The following G6PC2 variants were observed in gnomAD, a reference collection of about 807,000 sequenced individuals.
The protein encoded by G6PC2 is glucose-6-phosphatase 2.
G6PC2 carries 41 observed loss-of-function variants against 35.4 expected under a neutral mutation model. That is an observed-to-expected ratio of 1.16 (90% CI 0.90 to 1.50). The LOEUF (loss-of-function observed/expected upper bound fraction) is 1.50, where lower values mean the gene tolerates loss of function less well. Among genes scored for constraint, G6PC2 ranks in the 40% most tolerant of loss-of-function variants. The pLI, the probability that G6PC2 is intolerant of heterozygous loss-of-function variation, is 0.00. For missense variants in G6PC2, 441 were observed against 426.5 expected (o/e 1.03, Z -0.30); for synonymous variants, 165 against 153.2 (o/e 1.08, Z -0.57).
intron 2 of G6PC2, among the ~76,000 whole-genome samples, chr2:168,903,735 A>T (rs1690650757): frequency 6.6e-6 from 1 of 152,236 alleles, no homozygotes; most frequent in South Asian, 2.1e-4. Context: ...GTCTTTGTTT[A>T]ACAAATAAGA....
chr2:168,901,521 G>A lies in G6PC2; in HGVS notation c.190G>A (p.Gly64Arg), dbSNP rs762205787. 5.6e-5 allele frequency: 87 copies of A among 1,557,564 alleles called. No homozygotes were observed. In the East Asian group the frequency reaches 1.9e-3, roughly 34 times the overall value. ...CAAGATGATATGGGTAGCAGTCATT[G>A]GGGATTGGTTAAATCTTATATTTAA... ...GTKMIWVAVI[G>R]DWLNLIFKWI... Residue 64 changes from glycine to arginine, a missense_variant, in exon 1 of 5, where the codon GGG becomes AGG. Gly to Arg is a moderately radical substitution (Grantham distance 125). Transcript: ENST00000375363.
intron 3 of G6PC2, 133 bp from the exon 4 acceptor site, chr2:168,906,531 A>G: frequency 1.5e-6 from 1 of 685,846 alleles, no homozygotes. Context: ...TTTGAAAAAA[A>G]AGATTCTAGA....
In G6PC2 at chr2:168,907,835, C is replaced by CA; in HGVS notation, c.825dup (p.Glu276ArgfsTer12). Reference sequence around the variant, plus strand: ...TTTGGCTTGGGCTTTGCAATCAACTCAGAGATGTTCCTCCTGAGCTGCCGA... The same window carrying CA: ...TTTGGCTTGGGCTTTGCAATCAACTCAAGAGATGTTCCTCCTGAGCTGCCGA... On this transcript the variant is annotated frameshift_variant, in exon 5 of 5. Coordinates refer to ENST00000375363, the MANE Select transcript of G6PC2 (RefSeq NM_021176.3). LOFTEE classifies it high-confidence loss of function. 1 of 1,614,126 alleles carries CA rather than the reference C, an allele frequency of 6.2e-7. No individual in the cohort carries two copies. The highest frequency in any genetic ancestry group is 8.5e-7 in the Non-Finnish European group (1 of 1,180,020).
At position 168,902,529 on chromosome 2, in the gene G6PC2, C is replaced by T. The variant is rs1461684168; in HGVS notation, c.303C>T (p.Phe101=). ...PNHSSPCLEQ[F]PTTCETGPGS... is the part of the protein sequence containing the mutation. ...ACTCAAGTCCATGCCTTGAACAGTT[C>T]CCTACTACATGTGAAACAGGTCCAG... Residue 101 remains phenylalanine (F), a synonymous_variant, in exon 2 of 5, where the codon TTC becomes TTT. Coordinates refer to ENST00000375363, the MANE Select transcript of G6PC2 (RefSeq NM_021176.3). The T allele has an allele frequency of 2.0e-6, 3 of 1,537,728 alleles. No individual in the cohort carries two copies. Among genetic ancestry groups the T allele is most frequent in the East Asian group, 4.5e-5 (2 of 44,538 alleles).
intron 1 of G6PC2, among the ~76,000 whole-genome samples, chr2:168,902,161 G>T (rs564060738): frequency 6.6e-6 from 1 of 152,266 alleles, no homozygotes; most frequent in African/African-American, 2.4e-5. Flanking sequence ...GACAAATTTT[G>T]ATATTTCCAG....
At chr2:168,903,792 G>A (rs1280069795) in intron 2 of G6PC2, among the ~76,000 whole-genome samples, 2 of 152,242 alleles carry the variant, frequency 1.3e-5, no homozygotes, top group South Asian at 2.1e-4. Context: ...AATCGAGGAG[G>A]ACATTTAAGG....
chr2:168,902,149 G>C (rs1690611399), intron 1 of G6PC2, among the ~76,000 whole-genome samples: 1 of 152,128 alleles, frequency 6.6e-6, no homozygotes, highest in South Asian at 2.1e-4. Context: ...GATAATTCTA[G>C]GGACAAATTT....
rs1043751558 is a variant in G6PC2, at chr2:168,901,487, A to T, written c.156A>T (p.Thr52=). The change falls in exon 1 of 5, where the codon ACA becomes ACT. Residue 52 remains threonine, a synonymous_variant. Coordinates refer to ENST00000375363, the MANE Select transcript of G6PC2 (RefSeq NM_021176.3). The part of the protein sequence containing the change: ...YFPLCFQFNQ[T]VGTKMIWVAV... ...CACTTTGTTTTCAATTTAATCAGAC[A>T]GTTGGAACCAAGATGATATGGGTAG... 2 of 1,599,448 alleles carry T rather than the reference A, an allele frequency of 1.3e-6. No individual in the cohort carries two copies. Among genetic ancestry groups the T allele is most frequent in the Non-Finnish European group, 1.7e-6 (2 of 1,166,834 alleles).
rs775478622 is a variant in G6PC2 at position 168,908,051 on chromosome 2, T to C, written c.1040T>C (p.Met347Thr). 1 of 1,613,472 alleles carries C rather than the reference T, an allele frequency of 6.2e-7. No homozygotes were observed. Among genetic ancestry groups the C allele is most frequent in the Admixed American group, 1.7e-5 (1 of 60,020 alleles). Residue 347 changes from methionine (M) to threonine (T), a missense_variant, in exon 5 of 5, where the codon ATG (methionine) becomes ACG (threonine). Coordinates refer to ENST00000375363, the MANE Select transcript of G6PC2 (RefSeq NM_021176.3). ...ATTCCCTACTCTGTTCATATGTTAA[T>C]GAAACAAAGCGGAAAGAAGAGTCAG... ...AFIPYSVHMLMKQSGKKSQ is the reference protein window; with the variant it reads ...AFIPYSVHMLTKQSGKKSQ
At chr2:168,905,272 A>G (rs1690684521) in intron 3 of G6PC2, among the ~76,000 whole-genome samples, 1 of 152,204 alleles carries the variant, frequency 6.6e-6, no homozygotes, top group Non-Finnish European at 1.5e-5. Flanking sequence ...ATACTTTGTC[A>G]TTAAAACAAT....
At position 168,901,374 on chromosome 2, in the gene G6PC2, T is replaced by A. The variant is rs747911600; in HGVS notation, c.43T>A (p.Leu15Met). ...GAATGGAGTGCTCATAATTCAGCAT[T>A]TGCAGAAGGACTACCGAGCTTACTA... ...HRNGVLIIQH[L>M]QKDYRAYYTF... is the part of the protein sequence containing the mutation. The change falls in exon 1 of 5, where the codon TTG (leucine) becomes ATG (methionine). Residue 15 changes from leucine (L) to methionine (M), a missense_variant. By Grantham distance (15) the Leu-to-Met change is conservative. Coordinates refer to ENST00000375363, the MANE Select transcript of G6PC2 (RefSeq NM_021176.3). The A allele has an allele frequency of 1.9e-6, 3 of 1,606,360 alleles. No individual in the cohort carries two copies. The highest frequency in any genetic ancestry group is 4.5e-5 in the East Asian group (2 of 44,858).
Position 168,908,867 on chromosome 2 carries a change from A to AT in G6PC2, c.*794dup, listed in dbSNP as rs1007679139. 6.6e-6 allele frequency: 1 copy of AT among 151,598 alleles called. No individual in the cohort carries two copies. Among genetic ancestry groups the AT allele is most frequent in the Non-Finnish European group, 1.5e-5 (1 of 67,914 alleles). The allele number at this position is 151,598 out of a possible 1,614,324, so 9.4% of individuals were successfully genotyped here. A position where few individuals can be genotyped will look rare whatever the true frequency, so the allele number is the denominator to read the frequency against. ...CACCATGCCTGGCTAATTTTTGAAT[A>AT]TTTTTTAGAGCCAGCTTCTTACTAT... On this transcript the variant is annotated 3_prime_UTR_variant, in exon 5 of 5. Transcript: ENST00000375363.
At chr2:168,904,394 C>G (rs1418551854) in intron 2 of G6PC2, 111 bp from the exon 3 acceptor site, 10 of 777,680 alleles carry the variant, frequency 1.3e-5, no homozygotes, top group Middle Eastern at 2.4e-4. Context: ...TGTGTCTTGT[C>G]TTTTTTTCTG....
Position 168,907,853 on chromosome 2 carries a change from G to A in G6PC2, c.842G>A (p.Ser281Asn). Reference protein sequence around the residue: ...FAINSEMFLLSCRGGNNYTLS... With the variant: ...FAINSEMFLLNCRGGNNYTLS... ...ATCAACTCAGAGATGTTCCTCCTGAGCTGCCGAGGGGGAAATAACTACACA... is the reference window on the plus strand; with the variant it reads ...ATCAACTCAGAGATGTTCCTCCTGAACTGCCGAGGGGGAAATAACTACACA... The change falls in exon 5 of 5, where the codon AGC (serine) becomes AAC (asparagine). Residue 281 changes from serine (S) to asparagine (N), a missense_variant. Ser to Asn is a conservative substitution (Grantham distance 46, BLOSUM62 1). Coordinates refer to ENST00000375363, the MANE Select transcript of G6PC2 (RefSeq NM_021176.3). The A allele has an allele frequency of 6.2e-7, 1 of 1,614,108 alleles. No homozygotes were observed. The highest frequency in any genetic ancestry group is 8.5e-7 in the Non-Finnish European group (1 of 1,180,002).
chr2:168,908,022 T>C lies in G6PC2; in HGVS notation c.1011T>C (p.Ala337=). 6.2e-7 allele frequency: 1 copy of C among 1,613,156 alleles called. No homozygotes were observed. The highest frequency in any genetic ancestry group is 8.5e-7 in the Non-Finnish European group (1 of 1,179,254). Residue 337 remains alanine (A), a synonymous_variant, in exon 5 of 5, where the codon GCT becomes GCC. Coordinates refer to ENST00000375363, the MANE Select transcript of G6PC2 (RefSeq NM_021176.3). ...KSASIPLTVV[A]FIPYSVHMLM... is the part of the protein sequence containing the mutation. ...CATCCATTCCCCTAACTGTGGTTGC[T>C]TTCATTCCCTACTCTGTTCATATGT...
chr2:168,907,479 A>G, intron 4 of G6PC2, 89 bp from the exon 5 acceptor site: 1 of 1,314,606 alleles, frequency 7.6e-7, no homozygotes, highest in South Asian at 1.2e-5. Context: ...GTCATTGAAA[A>G]CTGTGGCAAA....
chr2:168,902,316 C>G, intron 1 of G6PC2, 129 bp from the exon 2 acceptor site: 1 of 655,564 alleles, frequency 1.5e-6, no homozygotes, highest in South Asian at 1.7e-5. Flanking sequence ...TTCAAAGTCT[C>G]TTAATCATGA....
At chr2:168,907,221 A>G (rs1559165420) in intron 4 of G6PC2, among the ~76,000 whole-genome samples, 1 of 152,178 alleles carries the variant, frequency 6.6e-6, no homozygotes, top group Admixed American at 6.5e-5. Flanking sequence ...ACCATGACTC[A>G]GTTTCCATTG....
At chr2:168,904,027 T>A (rs1261226943) in intron 2 of G6PC2, among the ~76,000 whole-genome samples, 20 of 152,004 alleles carry the variant, frequency 1.3e-4, no homozygotes, top group Admixed American at 1.3e-3. Context: ...TCCTTTAGAG[T>A]TTGACTTCTC....
Sources: allele counts gnomAD v4.1 joint callset (sites outside exome capture counted in the v4.1 genomes callset), GRCh38; gene constraint gnomAD v4.1.1; transcripts MANE v1.5; gene names NCBI Gene and HGNC (gene_info 2026-07-23, HGNC 2026-07-21).